GSPT1: variants seen among roughly 807,000 people sequenced by gnomAD.
GSPT1 encodes eukaryotic peptide chain release factor GTP-binding subunit ERF3A.
A neutral mutation model predicts 72.5 loss-of-function variants in GSPT1; 20 were observed. The observed-to-expected ratio is 0.28, with a 90% CI of 0.19 to 0.40. The LOEUF (loss-of-function observed/expected upper bound fraction) is 0.40. Among genes scored for constraint, GSPT1 ranks in the 10% least tolerant of loss-of-function variants. GSPT1 has a pLI of 1.00. For missense variants in GSPT1, 580 were observed against 811.9 expected (o/e 0.71, Z 3.47); for synonymous variants, 334 against 293.5 (o/e 1.14, Z -1.41).
At chr16:11,909,471 T>C (rs893269913) in intron 1 of GSPT1, among the ~76,000 whole-genome samples, 4 of 152,146 alleles carry the variant, frequency 2.6e-5, no homozygotes, top group African/African-American at 7.2e-5. Flanking sequence ...CCCGAAGATA[T>C]TTTAAAACCA....
intron 4 of GSPT1, among the ~76,000 whole-genome samples, chr16:11,896,271 A>G (rs961677453): frequency 6.6e-6 from 1 of 152,198 alleles, no homozygotes; most frequent in Non-Finnish European, 1.5e-5. Flanking sequence ...ACTGATATAT[A>G]ATACTATGCT....
At chr16:11,900,268 G>A (rs552508008) in intron 1 of GSPT1, among the ~76,000 whole-genome samples, 2 of 151,762 alleles carry the variant, frequency 1.3e-5, no homozygotes, top group South Asian at 2.1e-4. Context: ...GGGAGGTGGA[G>A]GTTGCAGTGA....
At chr16:11,896,493 T>C in intron 4 of GSPT1, 65 bp downstream of exon 4, 4 of 851,720 alleles carry the variant, frequency 4.7e-6, no homozygotes, top group Non-Finnish European at 7.6e-6. Context: ...CATCTCCAGG[T>C]AGCTAAAAAG....
rs530838347 is a variant in GSPT1, at chr16:11,877,646, C to G, written c.1429-66G>C. 4.4e-6 allele frequency: 4 copies of G among 918,334 alleles called. No individual in the cohort carries two copies. The highest frequency in any genetic ancestry group is 4.8e-6 in the Non-Finnish European group (3 of 624,988). 56.9% of individuals were successfully genotyped at this position (918,334 alleles called of 1,614,324 possible). A position where few individuals can be genotyped will look rare whatever the true frequency, so the allele number is the denominator to read the frequency against. ...ACTGCATTACGCAACATAAAATGAT[C>G]TGAATGTCTGTCTGCTCAATAAAGA... is the stretch of plus-strand genomic sequence containing the variant. On this transcript the variant is annotated intron_variant, in intron 11 of 14. Transcript: ENST00000434724. The surrounding 1 kb of genome is among the most constrained non-coding windows in gnomAD (Gnocchi z 4.0).
chr16:11,892,990 A>T (rs2054288845), intron 5 of GSPT1, among the ~76,000 whole-genome samples: 1 of 152,158 alleles, frequency 6.6e-6, no homozygotes, highest in African/African-American at 2.4e-5. Flanking sequence ...TGTCAACATC[A>T]GGGCAGGATG....
intron 14 of GSPT1, among the ~76,000 whole-genome samples, chr16:11,875,388 C>A (rs1431120972): frequency 1.3e-5 from 2 of 151,808 alleles, no homozygotes; most frequent in African/African-American, 4.8e-5. Flanking sequence ...CAAAAGGTCA[C>A]AAAGATTAGA....
At chr16:11,899,141 A>C (rs2054375021) in intron 1 of GSPT1, among the ~76,000 whole-genome samples, 3 of 152,242 alleles carry the variant, frequency 2.0e-5, no homozygotes, top group Admixed American at 2.0e-4. Context: ...CTAAAGAATT[A>C]AATCATATGA....
At chr16:11,878,447 C>T (rs998456209) in intron 11 of GSPT1, among the ~76,000 whole-genome samples, 5 of 151,926 alleles carry the variant, frequency 3.3e-5, no homozygotes, top group Non-Finnish European at 7.4e-5. Flanking sequence ...AAATAGTCCA[C>T]GGAGCTGGGT....
intron 1 of GSPT1, among the ~76,000 whole-genome samples, chr16:11,910,834 T>A (rs1174629068): frequency 6.6e-6 from 1 of 152,152 alleles, no homozygotes; most frequent in Non-Finnish European, 1.5e-5. Context: ...CAAAGAGGGT[T>A]TTTACACCAG....
intron 6 of GSPT1, among the ~76,000 whole-genome samples, chr16:11,890,150 C>T (rs545333328): frequency 8.6e-5 from 13 of 151,464 alleles, no homozygotes; most frequent in Non-Finnish European, 1.2e-4. Flanking sequence ...TTAGTAGAGA[C>T]GGGGTTTCAC....
chr16:11,911,889 G>A (rs2054563579), intron 1 of GSPT1, among the ~76,000 whole-genome samples: 1 of 79,260 alleles, frequency 1.3e-5, no homozygotes, highest in Admixed American at 1.7e-4. Context: ...TTTTTGTGGA[G>A]ACAGGGTCTC....
Position 11,915,673 on chromosome 16 carries a change from C to CCCGCCGCCGCTCCCG in GSPT1, c.47_48insCGGGAGCGGCGGCGG (p.Gly16_Ser17insGlySerGlyGlyGly). On this transcript the variant is annotated inframe_insertion, in exon 1 of 15. Transcript: ENST00000434724. ...CGCTGCTGCTGCTGCCGCTGCTGCT[C>CCCGCCGCCGCTCCCG]CCGCCGCCGCCGCCGCCGCCGCCGC... is the stretch of plus-strand genomic sequence containing the variant. The CCCGCCGCCGCTCCCG allele has an allele frequency of 6.8e-7, 1 of 1,471,628 alleles. No individual in the cohort carries two copies. 91.2% of individuals were successfully genotyped at this position (1,471,628 alleles called of 1,614,324 possible). A position where few individuals can be genotyped will look rare whatever the true frequency, so the allele number is the denominator to read the frequency against.
At chr16:11,887,886 C>G (rs749205203) in intron 6 of GSPT1, 136 bp from the exon 7 acceptor site, 1 of 684,578 alleles carries the variant, frequency 1.5e-6, no homozygotes, top group African/African-American at 1.8e-5. Flanking sequence ...AAAATTGAGC[C>G]GGGTGCGGTG....
At chr16:11,901,884 T>A (rs1015648616) in intron 1 of GSPT1, among the ~76,000 whole-genome samples, 1 of 148,346 alleles carries the variant, frequency 6.7e-6, no homozygotes, top group Non-Finnish European at 1.5e-5. Context: ...TCACCTGAGG[T>A]CAGGAGTTTG....
At position 11,871,220 on chromosome 16, in the gene GSPT1, C is replaced by T. The variant is rs2053974609; in HGVS notation, c.*1899G>A. On this transcript the variant is annotated 3_prime_UTR_variant, in exon 15 of 15. Transcript: ENST00000434724. ...AAGAATCTGTAGGACAATAACTTTG[C>T]TCTGTCCATAAGATGTAGCCTCATT... 1 of 152,142 alleles carries T rather than the reference C, an allele frequency of 6.6e-6. No individual in the cohort carries two copies. Among genetic ancestry groups the T allele is most frequent in the Non-Finnish European group, 1.5e-5 (1 of 68,022 alleles). The allele number at this position is 152,142 out of a possible 1,614,324, so 9.4% of individuals were successfully genotyped here.
chr16:11,883,021 T>A lies in GSPT1; in HGVS notation c.1422A>T (p.Pro474=). ...ICKGQQLVMM[P]NKHNVEVLGI... is the part of the protein sequence containing the mutation. Reference sequence around the variant, plus strand: ...CAGCATAACCGATTCTTACCTTGTTTGGCATCATCACAAGCTGCTGGCCTT... The same window carrying A: ...CAGCATAACCGATTCTTACCTTGTTAGGCATCATCACAAGCTGCTGGCCTT... The change falls in exon 11 of 15, where the codon CCA becomes CCT. Residue 474 remains proline, a synonymous_variant. Coordinates refer to ENST00000434724, the MANE Select transcript of GSPT1 (RefSeq NM_002094.4). 2.5e-6 allele frequency: 4 copies of A among 1,592,220 alleles called. No individual in the cohort carries two copies. Among genetic ancestry groups the A allele is most frequent in the Non-Finnish European group, 1.7e-6 (2 of 1,160,084 alleles).
rs1278012432 is a variant in GSPT1 at position 11,871,692 on chromosome 16, T to C, written c.*1427A>G. 6.6e-6 allele frequency: 1 copy of C among 152,204 alleles called. No individual in the cohort carries two copies. The highest frequency in any genetic ancestry group is 1.5e-5 in the Non-Finnish European group (1 of 68,042). 9.4% of individuals were successfully genotyped at this position (152,204 alleles called of 1,614,324 possible). On this transcript the variant is annotated 3_prime_UTR_variant, in exon 15 of 15. Transcript: ENST00000434724. ...GAGACTTGTCATTAAATATACAAAGTATCTTATTTAGAGAGAAATCACAAT... is the reference window on the plus strand; with the variant it reads ...GAGACTTGTCATTAAATATACAAAGCATCTTATTTAGAGAGAAATCACAAT...
At chr16:11,907,578 T>C (rs2150889104) in intron 1 of GSPT1, among the ~76,000 whole-genome samples, 1 of 151,592 alleles carries the variant, frequency 6.6e-6, no homozygotes, top group East Asian at 1.9e-4. Context: ...TACACGCTAG[T>C]TGTAGTAATT....
At chr16:11,904,559 T>A (rs1434241638) in intron 1 of GSPT1, among the ~76,000 whole-genome samples, 4 of 152,022 alleles carry the variant, frequency 2.6e-5, no homozygotes, top group Non-Finnish European at 5.9e-5. Context: ...AATTTTTTTT[T>A]AAAGCTATGA....
Sources: allele counts gnomAD v4.1 joint callset (sites outside exome capture counted in the v4.1 genomes callset), GRCh38; gene constraint gnomAD v4.1.1; non-coding constraint Gnocchi (gnomAD v3.1); transcripts MANE v1.5; gene names NCBI Gene and HGNC (gene_info 2026-07-23, HGNC 2026-07-21).